Variants in PITPNM3 observed in about 807,000 individuals in gnomAD.
PITPNM3 encodes membrane-associated phosphatidylinositol transfer protein 3.
PITPNM3 carries 26 observed loss-of-function variants against 102.0 expected under a neutral mutation model. That is an observed-to-expected ratio of 0.25 (90% CI 0.19 to 0.35). The LOEUF is 0.35. Ranked by LOEUF, PITPNM3 falls within the 10% of genes least tolerant of loss-of-function variation. The probability of loss-of-function intolerance (pLI) is 1.00; values close to 1 mark genes in which losing one functional copy is unlikely to be tolerated. For missense variants in PITPNM3, 1,083 were observed against 1,346.1 expected (o/e 0.80, Z 3.06); for synonymous variants, 578 against 558.6 (o/e 1.03, Z -0.49).
At chr17:6,551,836 G>T (rs1278340631) in intron 1 of PITPNM3, among the ~76,000 whole-genome samples, 1 of 151,998 alleles carries the variant, frequency 6.6e-6, no homozygotes, top group Non-Finnish European at 1.5e-5. Context: ...GAGCCACAGA[G>T]TAAGGGGCCC....
intron 2 of PITPNM3, among the ~76,000 whole-genome samples, chr17:6,534,813 G>A (rs373183463): frequency 6.6e-6 from 1 of 152,220 alleles, no homozygotes; most frequent in Middle Eastern, 3.4e-3. Context: ...TCACGACGGC[G>A]GTTATGGGCA....
intron 17 of PITPNM3, among the ~76,000 whole-genome samples, chr17:6,463,463 A>AGGGAGGCAGGGAGGGAAGGAGGG (rs1904592366): frequency 2.0e-5 from 1 of 49,680 alleles, no homozygotes; most frequent in East Asian, 3.4e-4. Context: ...GGGAAGAAGG[A>AGGGAGGCAGGGAGGGAAGGAGGG]AAAAAGGAAG....
At chr17:6,549,862 C>G (rs1910215803) in intron 1 of PITPNM3, among the ~76,000 whole-genome samples, 1 of 152,186 alleles carries the variant, frequency 6.6e-6, no homozygotes, top group African/African-American at 2.4e-5. Context: ...GGCTGCAGAC[C>G]TGGTGATGGC....
intron 3 of PITPNM3, among the ~76,000 whole-genome samples, chr17:6,510,794 G>GT (rs1201968807): frequency 1.3e-5 from 2 of 152,268 alleles, no homozygotes; most frequent in African/African-American, 4.8e-5. Context: ...GAGGACAGTG[G>GT]TCTGGGAGAG....
chr17:6,491,084 G>GGGGAA (rs1206819162), intron 4 of PITPNM3, among the ~76,000 whole-genome samples: 13 of 79,718 alleles, frequency 1.6e-4, no homozygotes, highest in Non-Finnish European at 3.0e-4. Flanking sequence ...GGAAAGGGGA[G>GGGGAA]GGGAAGGGAA....
At chr17:6,500,834 C>A (rs550716132) in intron 4 of PITPNM3, among the ~76,000 whole-genome samples, 1 of 152,260 alleles carries the variant, frequency 6.6e-6, no homozygotes, top group African/African-American at 2.4e-5. Context: ...CACCATCACA[C>A]CTGGCTAATT....
At chr17:6,463,615 G>T in intron 17 of PITPNM3, 117 bp downstream of exon 17, 1 of 1,416,100 alleles carries the variant, frequency 7.1e-7, no homozygotes, top group Non-Finnish European at 9.5e-7. Context: ...TTCTCAGCTC[G>T]CAGCCCCAGA....
rs773669042 is a variant in PITPNM3, at chr17:6,478,124, G to A, written c.778-27C>T. On this transcript the variant is annotated intron_variant, in intron 7 of 19. Coordinates refer to ENST00000262483, the MANE Select transcript of PITPNM3 (RefSeq NM_031220.4). This position sits in a 1 kb window ranked among gnomAD's most constrained non-coding sequence, Gnocchi z 4.4. ...TGGAAGAGATGCAGCTGGGACTGCAGGCCTGCCCACTGCTGACCCCTCACC... is the reference window on the plus strand; with the variant it reads ...TGGAAGAGATGCAGCTGGGACTGCAAGCCTGCCCACTGCTGACCCCTCACC... The A allele has an allele frequency of 1.9e-6, 3 of 1,611,976 alleles. No individual in the cohort carries two copies. Among genetic ancestry groups the A allele is most frequent in the South Asian group, 1.1e-5 (1 of 91,088 alleles).
At chr17:6,509,782 T>C (rs1028427325) in intron 3 of PITPNM3, among the ~76,000 whole-genome samples, 6 of 152,168 alleles carry the variant, frequency 3.9e-5, no homozygotes, top group Middle Eastern at 3.2e-3. Context: ...GCCCCTCCTG[T>C]TCTCCTCCAC....
chr17:6,456,604 A>G (rs1914127416), intron 19 of PITPNM3, among the ~76,000 whole-genome samples: 1 of 152,122 alleles, frequency 6.6e-6, no homozygotes, highest in African/African-American at 2.4e-5. Context: ...CAAGATCTCC[A>G]GGTGATGCTT....
Position 6,472,869 on chromosome 17 carries a change from C to T in PITPNM3, c.1259-42G>A, listed in dbSNP as rs747719094. The T allele has an allele frequency of 2.1e-5, 33 of 1,608,110 alleles. No homozygotes were observed. In the Middle Eastern group the frequency reaches 1.2e-3, roughly 56 times the overall value. ...GACAGAGGGAAGCCACTTTCTAGTA[C>T]CTGCTCCCTGGGCCCTAGGAGGCTC... is the stretch of plus-strand genomic sequence containing the variant. On this transcript the variant is annotated intron_variant, in intron 10 of 19. Transcript: ENST00000262483. This position sits in a 1 kb window ranked among gnomAD's most constrained non-coding sequence, Gnocchi z 4.1.
chr17:6,556,339 T>G lies in PITPNM3; in HGVS notation c.22+46A>C. 1.4e-6 allele frequency: 2 copies of G among 1,387,770 alleles called. No homozygotes were observed. 86.0% of individuals were successfully genotyped at this position (1,387,770 alleles called of 1,614,324 possible). On this transcript the variant is annotated intron_variant, in intron 1 of 19. Transcript: ENST00000262483. The surrounding 1 kb of genome is among the most constrained non-coding windows in gnomAD (Gnocchi z 5.2). Reference sequence around the variant, plus strand: ...GCGGCCCCTCCTCTAGACGCGCGAGTCCCTCCCCCGGGCCCCGGCCCTGCC... The same window carrying G: ...GCGGCCCCTCCTCTAGACGCGCGAGGCCCTCCCCCGGGCCCCGGCCCTGCC...
intron 3 of PITPNM3, among the ~76,000 whole-genome samples, chr17:6,522,848 C>T (rs1908615692): frequency 6.6e-6 from 1 of 152,164 alleles, no homozygotes; most frequent in South Asian, 2.1e-4. Context: ...TGGCTCTGAT[C>T]TGTCGCTTCC....
chr17:6,510,808 G>A (rs112545237), intron 3 of PITPNM3, among the ~76,000 whole-genome samples: 2 of 152,238 alleles, frequency 1.3e-5, no homozygotes, highest in Non-Finnish European at 2.9e-5. Flanking sequence ...GGGAGAGGCT[G>A]GAGTATCAAG....
At chr17:6,528,336 C>A (rs1597404669) in intron 2 of PITPNM3, among the ~76,000 whole-genome samples, 1 of 152,280 alleles carries the variant, frequency 6.6e-6, no homozygotes, top group East Asian at 1.9e-4. Flanking sequence ...CTCTCATTCT[C>A]TATGGATTTC....
chr17:6,479,019 G>A, intron 6 of PITPNM3: 2 of 463,944 alleles, frequency 4.3e-6, no homozygotes, highest in Non-Finnish European at 7.8e-6. Flanking sequence ...GCCCTCTTCT[G>A]CATGGCCCCA....
intron 1 of PITPNM3, among the ~76,000 whole-genome samples, chr17:6,553,005 C>A (rs986603229): frequency 6.6e-6 from 1 of 151,648 alleles, no homozygotes; most frequent in South Asian, 2.1e-4. Context: ...CTCCTGACCT[C>A]GTGATCTGCC....
intron 3 of PITPNM3, among the ~76,000 whole-genome samples, chr17:6,520,876 G>A (rs1908468466): frequency 6.6e-6 from 1 of 152,186 alleles, no homozygotes; most frequent in African/African-American, 2.4e-5. Flanking sequence ...AGTCAAACAG[G>A]CCAGACACAA....
Position 6,468,475 on chromosome 17 carries a change from G to T in PITPNM3, c.1774-134C>A. On this transcript the variant is annotated intron_variant, in intron 13 of 19. Transcript: ENST00000262483. The surrounding 1 kb of genome is among the most constrained non-coding windows in gnomAD (Gnocchi z 5.2). ...CCCCCCAACCTCACAGCCTGGAACC[G>T]TCAGGAGGCCGCAGACCCCGGGACC... 1 of 880,772 alleles carries T rather than the reference G, an allele frequency of 1.1e-6. No individual in the cohort carries two copies. Among genetic ancestry groups the T allele is most frequent in the Non-Finnish European group, 1.9e-6 (1 of 530,490 alleles). 54.6% of individuals were successfully genotyped at this position (880,772 alleles called of 1,614,324 possible).
Sources: gnomAD v4.1 joint callset for allele counts (sites outside exome capture counted in the v4.1 genomes callset) on GRCh38, gnomAD v4.1.1 for gene constraint, Gnocchi (gnomAD v3.1) non-coding constraint, MANE v1.5 for transcripts, NCBI Gene and HGNC (gene_info 2026-07-23, HGNC 2026-07-21) for gene names.